Variants in ZIM2 observed in about 807,000 individuals in gnomAD.
The protein encoded by ZIM2 is zinc finger imprinted 2, also known as zinc finger protein 656.
In ZIM2, 14 loss-of-function variants were observed where a neutral mutation model predicts 38.6. That is an observed-to-expected ratio of 0.36 (90% CI 0.24 to 0.57). The LOEUF (loss-of-function observed/expected upper bound fraction) is 0.57, where lower values mean the gene tolerates loss of function less well. Among genes scored for constraint, ZIM2 ranks in the 20% least tolerant of loss-of-function variants. The pLI, the probability that ZIM2 is intolerant of heterozygous loss-of-function variation, is 0.81. For synonymous variants in ZIM2, 247 were observed against 245.8 expected (o/e 1.00, Z -0.04); for missense variants, 680 against 695.1 (o/e 0.98, Z 0.24).
Position 56,818,639 on chromosome 19 carries a change from G to C in ZIM2, c.358C>G (p.Gln120Glu), listed in dbSNP as rs2060199740. The change falls in exon 8 of 13, where the codon CAG (glutamine) becomes GAG (glutamate). Residue 120 changes from glutamine (Q) to glutamate (E), a missense_variant. Physicochemically the swap from Gln to Glu is conservative, Grantham distance 29 (BLOSUM62 2). Coordinates refer to ENST00000629319, the MANE Select transcript of ZIM2 (RefSeq NM_001387356.1). ...AEDRKPHNTI[Q>E]DNMENYRKLL... ...TTCCTGTAGTTTTCCATGTTGTCCT[G>C]GATTGTGTTGTGAGGTTTCCTGTCC... is the stretch of plus-strand genomic sequence containing the variant. 6.2e-7 allele frequency: 1 copy of C among 1,614,092 alleles called. No homozygotes were observed. Among genetic ancestry groups the C allele is most frequent in the Non-Finnish European group, 8.5e-7 (1 of 1,180,018 alleles).
At chr19:56,800,670 T>C (rs2047476290) in intron 9 of ZIM2, among the ~76,000 whole-genome samples, 1 of 152,064 alleles carries the variant, frequency 6.6e-6, no homozygotes, top group African/African-American at 2.4e-5. Flanking sequence ...AGAAATAATT[T>C]TATATAAGAA....
chr19:56,810,507 T>A (rs1038743534), intron 9 of ZIM2: 1 of 984,796 alleles, frequency 1.0e-6, no homozygotes, highest in Non-Finnish European at 1.2e-6. Context: ...TTAATTGTTG[T>A]TGGGTGTTGG....
chr19:56,824,983 C>CTACTAACTTGGGCTACT (rs1425495351), intron 3 of ZIM2: 6 of 256,612 alleles, frequency 2.3e-5, no homozygotes, highest in Non-Finnish European at 3.0e-5. Flanking sequence ...GGACTGTGGG[C>CTACTAACTTGGGCTACT]AACTTGTCTA....
Position 56,789,916 on chromosome 19 carries a change from T to C in ZIM2, c.526A>G (p.Arg176Gly), listed in dbSNP as rs760086041. 1.3e-5 allele frequency: 20 copies of C among 1,582,528 alleles called. No individual in the cohort carries two copies. The highest frequency in any genetic ancestry group is 1.7e-5 in the Non-Finnish European group (20 of 1,158,438). ...LAQDSVPAEKRNTEMLDNLPS... is the reference protein window; with the variant it reads ...LAQDSVPAEKGNTEMLDNLPS... ...AGATTGTCTAACATCTCTGTGTTCC[T>C]CTTTTCTGCAGGGACAGAGTCCTGA... Residue 176 changes from arginine (R) to glycine (G), a missense_variant, in exon 10 of 13, where the codon AGG becomes GGG. Arg to Gly is a moderately radical substitution (Grantham distance 125). Transcript: ENST00000629319.
At chr19:56,789,133 T>A (rs150387882) in intron 10 of ZIM2, among the ~76,000 whole-genome samples, 1 of 152,226 alleles carries the variant, frequency 6.6e-6, no homozygotes, top group African/African-American at 2.4e-5. Context: ...AAACAACAGT[T>A]TTTTACATAA....
chr19:56,820,579 T>C (rs2146281164), intron 7 of ZIM2, among the ~76,000 whole-genome samples: 1 of 152,334 alleles, frequency 6.6e-6, no homozygotes, highest in South Asian at 2.1e-4. Context: ...CCCTAATGCC[T>C]GGGGTCCCCT....
intron 9 of ZIM2, chr19:56,799,698 C>A (rs1600791915): frequency 1.3e-5 from 2 of 152,280 alleles, no homozygotes; most frequent in East Asian, 3.9e-4. Context: ...GAAATAAAAA[C>A]ATATGGCCAC....
At chr19:56,825,442 G>A (rs149280968) in intron 3 of ZIM2, among the ~76,000 whole-genome samples, 13 of 152,244 alleles carry the variant, frequency 8.5e-5, no homozygotes, top group Non-Finnish European at 1.2e-4. Flanking sequence ...TTTCTGTTTT[G>A]ACATTCCTTT....
At chr19:56,817,579 C>T (rs766012134) in intron 9 of ZIM2, 167 bp downstream of exon 9, 36 of 1,582,104 alleles carry the variant, frequency 2.3e-5, no homozygotes, top group Non-Finnish European at 3.0e-5. Flanking sequence ...AGTTTTTAGA[C>T]CTGGAAAGAA....
chr19:56,831,886 A>C (rs1429180725), intron 2 of ZIM2, among the ~76,000 whole-genome samples: 1 of 152,254 alleles, frequency 6.6e-6, no homozygotes, highest in Non-Finnish European at 1.5e-5. Flanking sequence ...ACAGAGAATG[A>C]GAATGTCCAC....
chr19:56,813,717 G>A, intron 9 of ZIM2: 1 of 1,614,082 alleles, frequency 6.2e-7, no homozygotes, highest in Non-Finnish European at 8.5e-7. Flanking sequence ...GGGACAGGCG[G>A]TCATTGAAGA....
chr19:56,785,428 C>A (rs754486681), intron 10 of ZIM2, among the ~76,000 whole-genome samples: 2 of 151,810 alleles, frequency 1.3e-5, no homozygotes, highest in Admixed American at 6.6e-5. Flanking sequence ...TAATCACAAC[C>A]CCCATGAATT....
At chr19:56,804,684 G>C (rs1327224568) in intron 9 of ZIM2, among the ~76,000 whole-genome samples, 1 of 152,176 alleles carries the variant, frequency 6.6e-6, no homozygotes, top group Non-Finnish European at 1.5e-5. Flanking sequence ...GACAGGCAGA[G>C]GGTTAGGATT....
At chr19:56,809,989 T>C (rs2048000461) in intron 9 of ZIM2, 1 of 221,238 alleles carries the variant, frequency 4.5e-6, no homozygotes, top group Admixed American at 6.5e-5. Context: ...CTTTTTAGGC[T>C]AAAGGAGGAA....
chr19:56,816,053 T>C, intron 9 of ZIM2: 2 of 1,599,320 alleles, frequency 1.3e-6, no homozygotes, highest in Non-Finnish European at 1.7e-6. Context: ...TTTGGTTTAC[T>C]GGGCCCTGCT....
Position 56,814,246 on chromosome 19 carries a change from A to G in ZIM2, c.490+3500T>C. On this transcript the variant is annotated intron_variant, in intron 9 of 12. Transcript: ENST00000629319. The surrounding 1 kb of genome is among the most constrained non-coding windows in gnomAD (Gnocchi z 5.8). Reference sequence around the variant, plus strand: ...CTCCACTTCTGGCTCGGCAGCCTCCACTTCTGGCTCAGCAGCCTCTACGTT... The same window carrying G: ...CTCCACTTCTGGCTCGGCAGCCTCCGCTTCTGGCTCAGCAGCCTCTACGTT... The G allele has an allele frequency of 6.2e-7, 1 of 1,613,326 alleles. No individual in the cohort carries two copies. The highest frequency in any genetic ancestry group is 8.5e-7 in the Non-Finnish European group (1 of 1,179,896).
chr19:56,824,121 C>T, intron 4 of ZIM2, 141 bp downstream of exon 4: 1 of 1,377,340 alleles, frequency 7.3e-7, no homozygotes, highest in Non-Finnish European at 9.7e-7. Flanking sequence ...AGCTCAATAT[C>T]CCACAGTACA....
Position 56,814,410 on chromosome 19 carries a change from G to A in ZIM2, c.490+3336C>T, listed in dbSNP as rs757026667. On this transcript the variant is annotated intron_variant, in intron 9 of 12. Transcript: ENST00000629319. The surrounding 1 kb of genome is among the most constrained non-coding windows in gnomAD (Gnocchi z 5.8). ...GCTCCTTATGTTTAGTGAGGACTGTGCTATGAATAAAGGACTTACCACAAT... is the reference window on the plus strand; with the variant it reads ...GCTCCTTATGTTTAGTGAGGACTGTACTATGAATAAAGGACTTACCACAAT... 1.4e-5 allele frequency: 23 copies of A among 1,613,722 alleles called. No homozygotes were observed. The East Asian group carries it at 3.1e-4, about 22-fold the overall frequency.
chr19:56,837,315 C>G (rs61134832), intron 1 of ZIM2, among the ~76,000 whole-genome samples: 8,096 of 152,178 alleles, frequency 0.053, 707 homozygotes, highest in African/African-American at 0.19. Context: ...CCTCTCAGGA[C>G]CACCCGCAGC....
Sources: allele counts gnomAD v4.1 joint callset (sites outside exome capture counted in the v4.1 genomes callset), GRCh38; gene constraint gnomAD v4.1.1; non-coding constraint Gnocchi (gnomAD v3.1); transcripts MANE v1.5; gene names NCBI Gene and HGNC (gene_info 2026-07-23, HGNC 2026-07-21).